NCK2: variants seen among roughly 807,000 people sequenced by gnomAD.
NCK2 encodes NCK adaptor protein 2.
In NCK2, 16 loss-of-function variants were observed where a neutral mutation model predicts 33.9. That is an observed-to-expected ratio of 0.47 (90% confidence interval 0.32 to 0.72). The LOEUF (loss-of-function observed/expected upper bound fraction) is 0.72, where lower values mean the gene tolerates loss of function less well. NCK2 is among the 30% of genes least tolerant of loss of function. NCK2 has a pLI of 0.03. For missense variants in NCK2, 418 were observed against 537.3 expected, an observed-to-expected ratio of 0.78 and a Z score of 2.19; for synonymous variants, 273 against 239.9, an observed-to-expected ratio of 1.14 and a Z score of -1.27.
At chr2:105,747,600 A>G (rs1689327789) in intron 1 of NCK2, among the ~76,000 whole-genome samples, 1 of 152,220 alleles carries the variant, frequency 6.6e-6, no homozygotes, top group African/African-American at 2.4e-5. Flanking sequence ...ACAGGGGAGG[A>G]TGATGAGTGA....
At chr2:105,856,332 C>CATT (rs3835871) in intron 3 of NCK2, among the ~76,000 whole-genome samples, 142,270 of 152,210 alleles carry the variant, frequency 0.93, 66,579 homozygotes, top group East Asian at 0.98. Context: ...ACATTTAAAA[C>CATT]GTTGTTACCT....
chr2:105,849,900 C>T (rs1234336160), intron 2 of NCK2, among the ~76,000 whole-genome samples: 1 of 152,186 alleles, frequency 6.6e-6, no homozygotes, highest in Non-Finnish European at 1.5e-5. Flanking sequence ...TCTCTTAATG[C>T]TGGCACATCC....
At chr2:105,788,680 C>A (rs957143589) in intron 1 of NCK2, among the ~76,000 whole-genome samples, 2 of 152,106 alleles carry the variant, frequency 1.3e-5, no homozygotes, top group African/African-American at 2.4e-5. Flanking sequence ...CTAGAGTTTT[C>A]TATTTTTTTG....
chr2:105,762,792 G>A (rs770218842), intron 1 of NCK2, among the ~76,000 whole-genome samples: 57 of 152,128 alleles, frequency 3.7e-4, no homozygotes, highest in Non-Finnish European at 7.4e-4. Context: ...CTACCCTCTC[G>A]TTTGGTGTGT....
chr2:105,789,023 A>G (rs950748604), intron 1 of NCK2, among the ~76,000 whole-genome samples: 1 of 152,050 alleles, frequency 6.6e-6, no homozygotes, highest in African/African-American at 2.4e-5. Context: ...TTCTCTGCCA[A>G]TCTCCCCCTC....
In NCK2 at chr2:105,792,493, A is replaced by G. The variant is rs897207308; in HGVS notation, c.-200-23937A>G. The stretch of plus-strand genomic sequence containing the variant: ...TTAACAAGTATGCAGTCAGTGTTCA[A>G]ATTTTCCCACCTGTCTCAAAATGTT... On this transcript the variant is annotated intron_variant, in intron 1 of 4. Transcript: ENST00000233154. 3.9e-5 allele frequency among the ~76,000 whole-genome samples: 6 copies of G among 152,312 alleles called. No individual in the cohort carries two copies. The South Asian group carries it at 6.2e-4, about 16-fold the overall frequency.
chr2:105,881,413 C>T lies in NCK2; in HGVS notation c.312C>T (p.Ser104=). The T allele has an allele frequency of 6.2e-7, 1 of 1,612,662 alleles. No homozygotes were observed. Among genetic ancestry groups the T allele is most frequent in the Non-Finnish European group, 8.5e-7 (1 of 1,179,924 alleles). The change falls in exon 4 of 5, where the codon AGC becomes AGT. Residue 104 remains serine, a synonymous_variant. Transcript: ENST00000233154. ...STDAEYPANG[S]GADRIYDLNI... is the part of the protein sequence containing the mutation. ...ACGCCGAGTACCCCGCCAATGGCAG[C>T]GGCGCCGACCGCATCTACGACCTCA...
intron 1 of NCK2, among the ~76,000 whole-genome samples, chr2:105,801,922 A>C (rs1233320561): frequency 1.3e-5 from 2 of 152,156 alleles, no homozygotes; most frequent in African/African-American, 2.4e-5. Flanking sequence ...TGCATTCACC[A>C]GCTCAGGCTG....
At chr2:105,761,810 G>A (rs1689773674) in intron 1 of NCK2, among the ~76,000 whole-genome samples, 1 of 152,142 alleles carries the variant, frequency 6.6e-6, no homozygotes, top group South Asian at 2.1e-4. Context: ...AGCCTGGGAG[G>A]TCCAGGCTGC....
chr2:105,820,515 T>C (rs919907783), intron 2 of NCK2, among the ~76,000 whole-genome samples: 23 of 152,142 alleles, frequency 1.5e-4, no homozygotes, highest in Non-Finnish European at 2.8e-4. Flanking sequence ...TTCCCTACCC[T>C]GTTTTCTGGT....
intron 1 of NCK2, among the ~76,000 whole-genome samples, chr2:105,811,813 C>G (rs1434363163): frequency 6.6e-6 from 1 of 152,172 alleles, no homozygotes; most frequent in African/African-American, 2.4e-5. Flanking sequence ...GCCTCTTGAA[C>G]CTGGTGCCTC....
intron 1 of NCK2, among the ~76,000 whole-genome samples, chr2:105,770,568 T>C (rs1690101396): frequency 6.6e-6 from 1 of 152,182 alleles, no homozygotes; most frequent in South Asian, 2.1e-4. Context: ...ATATCTGTCA[T>C]TTTTAGAGTG....
chr2:105,820,144 A>AT (rs1278326990), intron 2 of NCK2, among the ~76,000 whole-genome samples: 1 of 152,218 alleles, frequency 6.6e-6, no homozygotes, highest in Non-Finnish European at 1.5e-5. Flanking sequence ...GTACAGAGGT[A>AT]TAATGTGTTT....
intron 1 of NCK2, among the ~76,000 whole-genome samples, chr2:105,807,730 TTTCC>T (rs368606023): frequency 0.054 from 3,081 of 56,548 alleles, 316 homozygotes; most frequent in East Asian, 0.079. Flanking sequence ...TCCTTCCTTC[TTTCC>T]TTCCTTCCTT....
intron 3 of NCK2, among the ~76,000 whole-genome samples, chr2:105,861,171 G>A (rs1325690338): frequency 2.0e-5 from 3 of 152,170 alleles, no homozygotes; most frequent in Non-Finnish European, 4.4e-5. Context: ...ACATTCTTCA[G>A]TTACTTTTTA....
At chr2:105,781,941 C>A (rs2104404011) in intron 1 of NCK2, among the ~76,000 whole-genome samples, 1 of 152,300 alleles carries the variant, frequency 6.6e-6, no homozygotes. Context: ...GAAATAGGTA[C>A]ATACAGCTGT....
intron 1 of NCK2, among the ~76,000 whole-genome samples, chr2:105,795,421 T>C: frequency 6.6e-6 from 1 of 152,382 alleles, no homozygotes. Flanking sequence ...TGAGTTAAAC[T>C]GAATGGGCCT....
chr2:105,820,207 T>C (rs768160517), intron 2 of NCK2, among the ~76,000 whole-genome samples: 1 of 152,234 alleles, frequency 6.6e-6, no homozygotes, highest in Non-Finnish European at 1.5e-5. Flanking sequence ...TCCTGGAGAC[T>C]GCAGGTCATT....
At chr2:105,798,260 A>G (rs1240744772) in intron 1 of NCK2, among the ~76,000 whole-genome samples, 1 of 152,212 alleles carries the variant, frequency 6.6e-6, no homozygotes, top group East Asian at 1.9e-4. Context: ...AGCCAAAACC[A>G]TACTTCAAGG....
Sources: allele counts gnomAD v4.1 joint callset (sites outside exome capture counted in the v4.1 genomes callset), GRCh38; gene constraint gnomAD v4.1.1; transcripts MANE v1.5; gene names NCBI Gene and HGNC (gene_info 2026-07-23, HGNC 2026-07-21).